Variants in SPMIP3 observed in about 807,000 individuals in gnomAD.
SPMIP3 encodes protein SPMIP3.
At chr1:244,373,332 T>TTTTATATATATATATA in the SPMIP3 span, among the ~76,000 whole-genome samples, 75 of 85,198 alleles carry the variant, frequency 8.8e-4, 10 homozygotes, top group Middle Eastern at 6.8e-3. Flanking sequence ...CAAAAAAAAA[T>TTTTATATATATATATA]TATATATATA....
At chr1:244,373,885 G>A in the SPMIP3 span, among the ~76,000 whole-genome samples, 21 of 151,998 alleles carry the variant, frequency 1.4e-4, no homozygotes, top group Non-Finnish European at 2.6e-4. Flanking sequence ...AGGCCAAGGT[G>A]GGCGGATCAC....
At chr1:244,371,959 C>A in the SPMIP3 span, among the ~76,000 whole-genome samples, 1 of 152,244 alleles carries the variant, frequency 6.6e-6, no homozygotes, top group Non-Finnish European at 1.5e-5. Flanking sequence ...GCCCAGACAG[C>A]CTGTGGTTTT....
At chr1:244,361,210 G>T in the SPMIP3 span, among the ~76,000 whole-genome samples, 16 of 142,764 alleles carry the variant, frequency 1.1e-4, no homozygotes, top group African/African-American at 3.8e-4. Flanking sequence ...ATAATTTATC[G>T]TACATTTCTT....
chr1:244,372,331 T>C, the SPMIP3 span, among the ~76,000 whole-genome samples: 1 of 152,232 alleles, frequency 6.6e-6, no homozygotes, highest in Non-Finnish European at 1.5e-5. Flanking sequence ...GTGCATTCAA[T>C]AAATGTTGGT....
chr1:244,371,276 G>A, the SPMIP3 span, among the ~76,000 whole-genome samples: 9 of 152,172 alleles, frequency 5.9e-5, no homozygotes, highest in African/African-American at 1.2e-4. Context: ...GTTAAAACCC[G>A]GGTTCAACAG....
the SPMIP3 span, among the ~76,000 whole-genome samples, chr1:244,369,020 G>A: frequency 1.3e-5 from 2 of 152,164 alleles, no homozygotes; most frequent in African/African-American, 2.4e-5. Context: ...TTAGCAGGGC[G>A]TGATGGCACA....
chr1:244,368,399 A>G, the SPMIP3 span, among the ~76,000 whole-genome samples: 1 of 152,210 alleles, frequency 6.6e-6, no homozygotes, highest in Non-Finnish European at 1.5e-5. Flanking sequence ...TGAGTTTCAT[A>G]TGAGGAAACC....
At chr1:244,378,734 T>C in the SPMIP3 span, 1 of 1,359,616 alleles carries the variant, frequency 7.4e-7, no homozygotes, top group Non-Finnish European at 1.0e-6. Context: ...AGGGAGCCTG[T>C]TTGGGACCAG....
the SPMIP3 span, among the ~76,000 whole-genome samples, chr1:244,367,840 A>G: frequency 4.6e-5 from 7 of 152,352 alleles, no homozygotes; most frequent in African/African-American, 1.7e-4. Flanking sequence ...ACACACAGAA[A>G]GAGCAAACGC....
At chr1:244,381,155 T>G in the SPMIP3 span, among the ~76,000 whole-genome samples, 1 of 151,276 alleles carries the variant, frequency 6.6e-6, no homozygotes, top group African/African-American at 2.4e-5. Flanking sequence ...CTGAAGGATG[T>G]ACGAGGCTTG....
chr1:244,372,385 A>G, the SPMIP3 span, among the ~76,000 whole-genome samples: 143 of 152,288 alleles, frequency 9.4e-4, no homozygotes, highest in Non-Finnish European at 1.4e-3. Flanking sequence ...TCCATTATCT[A>G]ACACATATTT....
At chr1:244,371,476 C>A in the SPMIP3 span, among the ~76,000 whole-genome samples, 1 of 152,242 alleles carries the variant, frequency 6.6e-6, no homozygotes, top group South Asian at 2.1e-4. Flanking sequence ...CATCTCCTTA[C>A]ACACACCTTC....
the SPMIP3 span, among the ~76,000 whole-genome samples, chr1:244,372,650 A>T: frequency 1.8e-4 from 27 of 151,996 alleles, no homozygotes; most frequent in Non-Finnish European, 3.1e-4. Context: ...TCACCGCGTT[A>T]GCCAGGATGG....
the SPMIP3 span, among the ~76,000 whole-genome samples, chr1:244,355,811 G>A: frequency 0.029 from 4,486 of 152,300 alleles, 200 homozygotes; most frequent in East Asian, 0.24. Context: ...ATCCATGAAT[G>A]TAGTCTACCT....
chr1:244,360,167 A>T, the SPMIP3 span, among the ~76,000 whole-genome samples: 1 of 152,156 alleles, frequency 6.6e-6, no homozygotes, highest in South Asian at 2.1e-4. Context: ...CTGCAATGGG[A>T]TATCATCTCA....
the SPMIP3 span, among the ~76,000 whole-genome samples, chr1:244,373,331 ATTAT>A: frequency 7.6e-5 from 3 of 39,606 alleles, no homozygotes; most frequent in African/African-American, 3.2e-4. Flanking sequence ...ACAAAAAAAA[ATTAT>A]ATATATATAT....
At chr1:244,372,695 G>A in the SPMIP3 span, among the ~76,000 whole-genome samples, 12 of 152,096 alleles carry the variant, frequency 7.9e-5, no homozygotes, top group South Asian at 2.1e-4. Context: ...CGCCCGCCTT[G>A]GCCTCCCAAA....
the SPMIP3 span, among the ~76,000 whole-genome samples, chr1:244,357,525 A>G: frequency 1.3e-5 from 2 of 152,040 alleles, no homozygotes; most frequent in African/African-American, 4.8e-5. Context: ...CCTGACAAAC[A>G]TGGTGAAACC....
chr1:244,357,707 CAA>C, the SPMIP3 span, among the ~76,000 whole-genome samples: 369 of 95,086 alleles, frequency 3.9e-3, 4 homozygotes, highest in African/African-American at 0.011. Flanking sequence ...GACTCCATCT[CAA>C]AAAAAAAAAA....
Sources: allele counts gnomAD v4.1 joint callset (sites outside exome capture counted in the v4.1 genomes callset), GRCh38; gene constraint gnomAD v4.1.1; transcripts MANE v1.5; gene names NCBI Gene and HGNC (gene_info 2026-07-23, HGNC 2026-07-21).